Variants in AP1G1 observed in about 807,000 individuals in gnomAD.
AP1G1 encodes adaptor related protein complex 1 subunit gamma 1, also known as AP-1 complex subunit gamma-1.
In AP1G1, 7 loss-of-function variants were observed where a neutral mutation model predicts 108.3. The observed-to-expected ratio is 0.06, with a 90% CI of 0.04 to 0.12. The LOEUF (loss-of-function observed/expected upper bound fraction) is 0.12, where lower values mean the gene tolerates loss of function less well. Ranked by LOEUF, AP1G1 falls within the 10% of genes least tolerant of loss-of-function variation. AP1G1 has a pLI of 1.00. For missense variants in AP1G1, 756 were observed against 1,010.7 expected (o/e 0.75, Z 3.42); for synonymous variants, 379 against 353.5 (o/e 1.07, Z -0.81).
chr16:71,771,282 G>T (rs1439245868), intron 4 of AP1G1, 30 bp from the exon 5 acceptor site: 3 of 1,369,198 alleles, frequency 2.2e-6, no homozygotes, highest in Non-Finnish European at 3.0e-6. Context: ...AGAACAAAAG[G>T]TTTATTTCAA....
At position 71,764,427 on chromosome 16, in the gene AP1G1, T is replaced by C. The variant is rs2031230377; in HGVS notation, c.841A>G (p.Ser281Gly). The change falls in exon 9 of 23, where the codon AGT becomes GGT. Residue 281 changes from serine to glycine, a missense_variant. By Grantham distance (56) the Ser-to-Gly change is moderately conservative (BLOSUM62 0). Coordinates refer to ENST00000299980, the MANE Select transcript of AP1G1 (RefSeq NM_001128.6). ...AGAATAGCATTTCCTACATTTTTAC[T>C]AGTCTCAGTATTAGTGGCAACCTGA... is the stretch of plus-strand genomic sequence containing the variant. The part of the protein sequence containing the change: ...LAQVATNTET[S>G]KNVGNAILYE... 2 of 1,608,792 alleles carry C rather than the reference T, an allele frequency of 1.2e-6. No individual in the cohort carries two copies. Among genetic ancestry groups the C allele is most frequent in the Non-Finnish European group, 1.7e-6 (2 of 1,176,762 alleles).
In AP1G1 at chr16:71,764,677, G is replaced by A; in HGVS notation, c.788C>T (p.Ser263Leu). ...TAATATATCATTCATAGCTTCACTT[G>A]AATCATCATCATTTCGTCCTAAAAT... Reference protein sequence around the residue: ...LRILGRNDDDSSEAMNDILAQ... With the variant: ...LRILGRNDDDLSEAMNDILAQ... The change falls in exon 8 of 23, where the codon TCA becomes TTA. Residue 263 changes from serine (S) to leucine (L), a missense_variant. By Grantham distance (145) the Ser-to-Leu change is moderately radical. This residue lies in a region of AP1G1 where 304 missense variants were observed against 483.6 expected (regional missense o/e 0.63). Coordinates refer to ENST00000299980, the MANE Select transcript of AP1G1 (RefSeq NM_001128.6). 1 of 1,611,294 alleles carries A rather than the reference G, an allele frequency of 6.2e-7. No homozygotes were observed. Among genetic ancestry groups the A allele is most frequent in the Non-Finnish European group, 8.5e-7 (1 of 1,179,250 alleles).
Position 71,764,740 on chromosome 16 carries a change from G to A in AP1G1, c.739-14C>T. 6.4e-7 allele frequency: 1 copy of A among 1,560,602 alleles called. No homozygotes were observed. Among genetic ancestry groups the A allele is most frequent in the South Asian group, 1.2e-5 (1 of 85,954 alleles). On this transcript the variant is annotated splice_polypyrimidine_tract_variant and intron_variant, in intron 7 of 22. Coordinates refer to ENST00000299980, the MANE Select transcript of AP1G1 (RefSeq NM_001128.6). ...CAAAATTCGTACCTAACGTGCAAAA[G>A]ATGAGAGGTGTCAACAAATTATGTC...
At chr16:71,771,516 C>T (rs2031571231) in intron 4 of AP1G1, among the ~76,000 whole-genome samples, 1 of 151,956 alleles carries the variant, frequency 6.6e-6, no homozygotes, top group African/African-American at 2.4e-5. Context: ...TAAGAACCTG[C>T]CTCTATTTAA....
At chr16:71,767,731 G>C in intron 6 of AP1G1, 1 of 773,568 alleles carries the variant, frequency 1.3e-6, no homozygotes, top group Non-Finnish European at 2.0e-6. Flanking sequence ...TAGGAAGTTA[G>C]CCAAAGATGG....
At chr16:71,746,135 G>A (rs1479126384) in intron 17 of AP1G1, among the ~76,000 whole-genome samples, 5 of 152,000 alleles carry the variant, frequency 3.3e-5, no homozygotes, top group South Asian at 2.1e-4. Context: ...TCAGCCTCTC[G>A]AGTAGCTGGG....
intron 19 of AP1G1, among the ~76,000 whole-genome samples, chr16:71,741,832 C>T (rs1045905765): frequency 2.0e-5 from 3 of 152,162 alleles, no homozygotes; most frequent in Admixed American, 1.3e-4. Context: ...TCAGAGGCTA[C>T]TCAAGATACA....
chr16:71,808,476 G>A, intron 1 of AP1G1: 3 of 1,229,828 alleles, frequency 2.4e-6, no homozygotes, highest in South Asian at 1.3e-5. Flanking sequence ...CGCAGCCTGA[G>A]AAAGTCAAGG....
At chr16:71,765,701 G>T in intron 6 of AP1G1, 117 bp from the exon 7 acceptor site, 1 of 725,608 alleles carries the variant, frequency 1.4e-6, no homozygotes, top group Non-Finnish European at 2.5e-6. Context: ...AAATTCTACT[G>T]ATTTAATATA....
intron 1 of AP1G1, among the ~76,000 whole-genome samples, chr16:71,796,432 T>C (rs1043462093): frequency 6.6e-6 from 1 of 152,142 alleles, no homozygotes; most frequent in African/African-American, 2.4e-5. Flanking sequence ...AATACTTCCT[T>C]AAGCGCCTCA....
At chr16:71,774,127 T>C (rs571008354) in intron 3 of AP1G1, among the ~76,000 whole-genome samples, 42 of 142,070 alleles carry the variant, frequency 3.0e-4, no homozygotes, top group Non-Finnish European at 5.6e-4. Flanking sequence ...CCTGTAACCC[T>C]AGTACTTTGG....
chr16:71,769,599 T>C lies in AP1G1; in HGVS notation c.642+24A>G, dbSNP rs202016258. On this transcript the variant is annotated intron_variant, in intron 6 of 22. Transcript: ENST00000299980. ...AAATCATTTTTCAATCAAGAAAGGCTTAGGCATACAGAATGGCACCTACCT... is the reference window on the plus strand; with the variant it reads ...AAATCATTTTTCAATCAAGAAAGGCCTAGGCATACAGAATGGCACCTACCT... 1.3e-3 allele frequency: 2,111 copies of C among 1,592,298 alleles called. 3 individuals carry two copies. Among genetic ancestry groups the C allele is most frequent in the Non-Finnish European group, 1.6e-3 (1,905 of 1,160,580 alleles).
chr16:71,801,922 CAAAAAAAA>C (rs901972267), intron 1 of AP1G1, among the ~76,000 whole-genome samples: 1 of 63,748 alleles, frequency 1.6e-5, no homozygotes, highest in Admixed American at 1.9e-4. Flanking sequence ...ACTCCGTAAC[CAAAAAAAA>C]AAAAAAAAAA....
intron 2 of AP1G1, among the ~76,000 whole-genome samples, chr16:71,774,990 G>A (rs1409689441): frequency 6.7e-6 from 1 of 148,632 alleles, no homozygotes; most frequent in Non-Finnish European, 1.5e-5. Flanking sequence ...CAAAGTGCTG[G>A]GATTACAGGC....
At chr16:71,790,527 CAA>C (rs56380847) in intron 1 of AP1G1, among the ~76,000 whole-genome samples, 9 of 104,802 alleles carry the variant, frequency 8.6e-5, no homozygotes, top group Admixed American at 1.8e-4. Flanking sequence ...AACTCCATCT[CAA>C]AAAAAAAAAA....
chr16:71,755,313 T>C (rs1158012165), intron 12 of AP1G1, among the ~76,000 whole-genome samples: 4 of 152,058 alleles, frequency 2.6e-5, no homozygotes, highest in Non-Finnish European at 5.9e-5. Flanking sequence ...GGCGTAAGCC[T>C]ATGGTCCCAG....
intron 1 of AP1G1, among the ~76,000 whole-genome samples, chr16:71,795,579 C>A (rs2032556326): frequency 1.3e-5 from 2 of 152,290 alleles, no homozygotes; most frequent in East Asian, 1.9e-4. Flanking sequence ...CCATACAGAA[C>A]CCCTATTTCA....
intron 15 of AP1G1, among the ~76,000 whole-genome samples, chr16:71,748,813 A>T (rs1487259041): frequency 1.3e-5 from 2 of 152,214 alleles, no homozygotes; most frequent in African/African-American, 4.8e-5. Context: ...GAGAAACAGT[A>T]ATTCAGTCCA....
intron 2 of AP1G1, among the ~76,000 whole-genome samples, chr16:71,778,210 A>T (rs1267332745): frequency 6.6e-6 from 1 of 152,160 alleles, no homozygotes; most frequent in Admixed American, 6.6e-5. Context: ...ATTTATAGTG[A>T]CTCTGCTTCA....
Sources: gnomAD v4.1 joint callset for allele counts (sites outside exome capture counted in the v4.1 genomes callset) on GRCh38, gnomAD v4.1.1 for gene constraint, gnomAD v4.1.1 regional missense constraint, MANE v1.5 for transcripts, NCBI Gene and HGNC (gene_info 2026-07-23, HGNC 2026-07-21) for gene names.